SDAD1: variants seen among roughly 807,000 people sequenced by gnomAD.
The protein encoded by SDAD1 is SDA1 domain containing 1.
A neutral mutation model predicts 100.3 loss-of-function variants in SDAD1; 79 were observed. The observed-to-expected ratio is 0.79, with a 90% CI of 0.66 to 0.95. The LOEUF (loss-of-function observed/expected upper bound fraction) is 0.95, where lower values mean the gene tolerates loss of function less well. SDAD1 is among the 40% of genes least tolerant of loss of function. The pLI, the probability that SDAD1 is intolerant of heterozygous loss-of-function variation, is 0.00. For synonymous variants in SDAD1, 267 were observed against 271.4 expected, an observed-to-expected ratio of 0.98 and a Z score of 0.16; for missense variants, 790 against 810.9, an observed-to-expected ratio of 0.97 and a Z score of 0.31.
chr4:75,971,282 T>C, intron 9 of SDAD1, 75 bp downstream of exon 9: 1 of 1,022,470 alleles, frequency 9.8e-7, no homozygotes, highest in Non-Finnish European at 1.5e-6. Flanking sequence ...TTTTAAATTC[T>C]TAAAAGCTCT....
Position 75,964,181 on chromosome 4 carries a change from TTG to T in SDAD1, c.1133_1134del (p.Ala378GlufsTer33). On this transcript the variant is annotated frameshift_variant, in exon 14 of 22. Coordinates refer to ENST00000356260, the MANE Select transcript of SDAD1 (RefSeq NM_018115.4). LOFTEE classifies it high-confidence loss of function. ...GAGTTCTTGTCGGTAACAAAATTGT[TTG>T]CCACAGTCATAAGCAATGATTGAAT... ...EIIQSLLMTV[A>X]NNFVTDKNSG... 6.2e-7 allele frequency: 1 copy of T among 1,608,832 alleles called. No individual in the cohort carries two copies. Among genetic ancestry groups the T allele is most frequent in the East Asian group, 2.2e-5 (1 of 44,644 alleles).
At position 75,975,823 on chromosome 4, in the gene SDAD1, T is replaced by G; in HGVS notation, c.499A>C (p.Thr167Pro). The part of the protein sequence containing the change: ...VNVVLQNFMY[T>P]MLRDSNATAA... ...GTTGCATTGCTATCTCTTAACATGGTGTACATGAAATTTTGCAATACCTGC... is the reference window on the plus strand; with the variant it reads ...GTTGCATTGCTATCTCTTAACATGGGGTACATGAAATTTTGCAATACCTGC... Residue 167 changes from threonine to proline, a missense_variant, in exon 6 of 22, where the codon ACC (threonine) becomes CCC (proline). Physicochemically the swap from Thr to Pro is conservative, Grantham distance 38. Transcript: ENST00000356260. 1 of 1,613,950 alleles carries G rather than the reference T, an allele frequency of 6.2e-7. No individual in the cohort carries two copies. Among genetic ancestry groups the G allele is most frequent in the Non-Finnish European group, 8.5e-7 (1 of 1,179,892 alleles).
chr4:75,969,152 C>T (rs763345561), intron 11 of SDAD1, 144 bp downstream of exon 11: 88 of 423,094 alleles, frequency 2.1e-4, no homozygotes, highest in Non-Finnish European at 3.4e-4. Flanking sequence ...TAGTTATTTT[C>T]AGAGATGTTA....
chr4:75,954,400 A>G (rs1354162093), intron 21 of SDAD1, among the ~76,000 whole-genome samples: 2 of 151,796 alleles, frequency 1.3e-5, no homozygotes, highest in African/African-American at 4.8e-5. Context: ...AAAAAAGAGA[A>G]AAGTACCCAC....
chr4:75,961,759 C>T (rs1480191500), intron 14 of SDAD1, among the ~76,000 whole-genome samples: 3 of 152,178 alleles, frequency 2.0e-5, no homozygotes, highest in Middle Eastern at 3.2e-3. Context: ...AAAAGGGCTA[C>T]TAAATTGCCC....
chr4:75,967,210 A>G, intron 12 of SDAD1, 67 bp downstream of exon 12: 3 of 1,457,828 alleles, frequency 2.1e-6, no homozygotes, highest in Non-Finnish European at 2.9e-6. Context: ...TGATTCCAGA[A>G]CAAAAGACTT....
At position 75,990,906 on chromosome 4, in the gene SDAD1, A is replaced by T; in HGVS notation, c.-65T>A. 6.3e-7 allele frequency: 1 copy of T among 1,595,888 alleles called. No individual in the cohort carries two copies. Among genetic ancestry groups the T allele is most frequent in the East Asian group, 2.2e-5 (1 of 44,760 alleles). ...AAACTCAGACGGCCGGCACCCCGCA[A>T]TCCCTGCCAGCTGCAGCTTGGACTC... On this transcript the variant is annotated 5_prime_UTR_variant, in exon 1 of 22. In the 5' UTR this introduces an upstream ATG that the reference lacks. Transcript: ENST00000356260.
chr4:75,988,727 ATGAACGAAC>A (rs1731053702), intron 1 of SDAD1, among the ~76,000 whole-genome samples: 1 of 152,180 alleles, frequency 6.6e-6, no homozygotes, highest in Non-Finnish European at 1.5e-5. Flanking sequence ...TATTTGTCAA[ATGAACGAAC>A]TTCAGGAAAT....
intron 16 of SDAD1, 146 bp downstream of exon 16, chr4:75,960,882 T>C (rs1729190770): frequency 2.9e-6 from 2 of 701,110 alleles, no homozygotes; most frequent in Non-Finnish European, 5.0e-6. Flanking sequence ...TGGTATTTGA[T>C]TCCAAGCTTA....
Position 75,950,800 on chromosome 4 carries a change from G to A in SDAD1, c.2017-3C>T. ...AAAAGTGCATCTCGTAGTGCCAACT[G>A]TAAGATAAAAAAGTATTGAAACATG... is the stretch of plus-strand genomic sequence containing the variant. On this transcript the variant is annotated splice_polypyrimidine_tract_variant and splice_region_variant and intron_variant, in intron 21 of 21. Transcript: ENST00000356260. The A allele has an allele frequency of 6.3e-7, 1 of 1,575,900 alleles. No homozygotes were observed.
intron 17 of SDAD1, among the ~76,000 whole-genome samples, chr4:75,959,097 C>CAAAAAAAAA (rs61245198): frequency 6.2e-4 from 34 of 54,976 alleles, no homozygotes; most frequent in African/African-American, 7.4e-4. Flanking sequence ...GACTCTGTCT[C>CAAAAAAAAA]AAAAAAAAAA....
intron 11 of SDAD1, 73 bp downstream of exon 11, chr4:75,969,223 C>T (rs767355078): frequency 9.3e-6 from 11 of 1,178,150 alleles, no homozygotes; most frequent in Non-Finnish European, 1.4e-5. Context: ...ACTGCTCTAC[C>T]TAATGGCTTT....
intron 1 of SDAD1, among the ~76,000 whole-genome samples, chr4:75,988,518 C>T (rs1420551405): frequency 1.3e-5 from 2 of 152,182 alleles, no homozygotes; most frequent in Non-Finnish European, 1.5e-5. Flanking sequence ...CCCATCTCAC[C>T]CCCAACATAC....
chr4:75,961,394 C>G, intron 14 of SDAD1, 86 bp from the exon 15 acceptor site: 1 of 994,582 alleles, frequency 1.0e-6, no homozygotes, highest in South Asian at 1.4e-5. Flanking sequence ...AAAAGATTAA[C>G]TCAAAAGGAA....
chr4:75,973,518 T>C (rs1419203678), intron 7 of SDAD1, 127 bp from the exon 8 acceptor site: 2 of 638,078 alleles, frequency 3.1e-6, no homozygotes, highest in Non-Finnish European at 5.4e-6. Context: ...AGTGGTGGGA[T>C]TTTTGTTCAT....
intron 1 of SDAD1, among the ~76,000 whole-genome samples, chr4:75,988,137 T>C (rs1230882410): frequency 6.6e-6 from 1 of 152,314 alleles, no homozygotes; most frequent in South Asian, 2.1e-4. Flanking sequence ...AATAGCTTCT[T>C]ATGTGGTGTC....
At chr4:75,981,111 T>C (rs1265040164) in intron 3 of SDAD1, 1 of 363,100 alleles carries the variant, frequency 2.8e-6, no homozygotes, top group Non-Finnish European at 5.0e-6. Flanking sequence ...AATAGAAAGA[T>C]CACAGTGTAG....
chr4:75,966,521 C>A (rs1312233490), intron 12 of SDAD1, among the ~76,000 whole-genome samples: 3 of 152,088 alleles, frequency 2.0e-5, no homozygotes, highest in African/African-American at 7.2e-5. Context: ...ATGTTAGATA[C>A]TGAATAAATG....
chr4:75,957,686 G>C lies in SDAD1; in HGVS notation c.1601C>G (p.Pro534Arg), dbSNP rs1258449481. The C allele has an allele frequency of 6.2e-7, 1 of 1,614,006 alleles. No individual in the cohort carries two copies. The highest frequency in any genetic ancestry group is 1.7e-5 in the Admixed American group (1 of 59,996). Residue 534 changes from proline to arginine, a missense_variant, in exon 19 of 22, where the codon CCC (proline) becomes CGC (arginine). Pro to Arg is a moderately radical substitution (Grantham distance 103). Coordinates refer to ENST00000356260, the MANE Select transcript of SDAD1 (RefSeq NM_018115.4). ...QEISKKLNSM[P>R]MEERKAKAAA... ...AGCTTTGGCCTTCCGCTCCTCCATG[G>C]GCATGCTGTTCAGCTTCTTGGACTT...
Sources: gnomAD v4.1 joint callset for allele counts (sites outside exome capture counted in the v4.1 genomes callset) on GRCh38, gnomAD v4.1.1 for gene constraint, MANE v1.5 for transcripts, NCBI Gene and HGNC (gene_info 2026-07-23, HGNC 2026-07-21) for gene names.